Variants in CMTR1 observed in about 807,000 individuals in gnomAD.
The protein encoded by CMTR1 is cap-specific mRNA (nucleoside-2'-O-)-methyltransferase 1.
Under a neutral mutation model 107.0 loss-of-function variants are expected in CMTR1, and 39 were observed. The ratio of observed to expected loss-of-function variants is 0.36; its 90% CI spans 0.28 to 0.48. The LOEUF (loss-of-function observed/expected upper bound fraction) is 0.48, where lower values mean the gene tolerates loss of function less well. Among genes scored for constraint, CMTR1 ranks in the 20% least tolerant of loss-of-function variants. The probability of loss-of-function intolerance (pLI) is 0.99; values close to 1 mark genes in which losing one functional copy is unlikely to be tolerated. For synonymous variants in CMTR1, 366 were observed against 379.5 expected, an observed-to-expected ratio of 0.96 and a Z score of 0.41; for missense variants, 672 against 1,064.9, an observed-to-expected ratio of 0.63 and a Z score of 5.14.
At chr6:37,462,218 G>A in intron 12 of CMTR1, 116 bp downstream of exon 12, 3 of 1,226,924 alleles carry the variant, frequency 2.4e-6, no homozygotes, top group Non-Finnish European at 3.5e-6. Context: ...TGACTTTAAA[G>A]AAGTGATGAG....
intron 4 of CMTR1, among the ~76,000 whole-genome samples, chr6:37,447,291 G>C (rs747960656): frequency 2.6e-5 from 4 of 152,164 alleles, no homozygotes; most frequent in Non-Finnish European, 5.9e-5. Flanking sequence ...GAATCTGCAT[G>C]TGATAAAAGC....
At chr6:37,478,378 T>C in intron 21 of CMTR1, 31 bp from the exon 22 acceptor site, 1 of 1,549,902 alleles carries the variant, frequency 6.5e-7, no homozygotes, top group South Asian at 1.1e-5. Flanking sequence ...GCCTTTTCTC[T>C]CTCATGCACG....
At chr6:37,443,470 T>G (rs1176075064) in intron 2 of CMTR1, among the ~76,000 whole-genome samples, 1 of 152,042 alleles carries the variant, frequency 6.6e-6, no homozygotes, top group Non-Finnish European at 1.5e-5. Context: ...TTCTCCTGCC[T>G]CAGCCTCCCA....
intron 13 of CMTR1, among the ~76,000 whole-genome samples, chr6:37,470,254 C>T (rs573653716): frequency 2.0e-5 from 3 of 151,902 alleles, no homozygotes; most frequent in African/African-American, 7.2e-5. Flanking sequence ...TCACGCCATT[C>T]TCCTGCCTCA....
intron 8 of CMTR1, among the ~76,000 whole-genome samples, chr6:37,457,881 A>G (rs1761328991): frequency 6.6e-6 from 1 of 152,086 alleles, no homozygotes; most frequent in Non-Finnish European, 1.5e-5. Context: ...ACCCTGATTT[A>G]GCTTTGTTGC....
intron 21 of CMTR1, 91 bp downstream of exon 21, chr6:37,477,730 G>C: frequency 4.5e-6 from 2 of 443,214 alleles, no homozygotes; most frequent in Admixed American, 2.7e-5. Context: ...AAGATGGGTC[G>C]GGGGCGGGGG....
intron 8 of CMTR1, among the ~76,000 whole-genome samples, chr6:37,456,986 T>C (rs770838443): frequency 4.0e-5 from 6 of 151,542 alleles, no homozygotes; most frequent in Non-Finnish European, 7.4e-5. Context: ...TGTGGGAGGC[T>C]GAAGTGGGAG....
chr6:37,463,320 C>T (rs1302348148), intron 13 of CMTR1, among the ~76,000 whole-genome samples: 1 of 152,182 alleles, frequency 6.6e-6, no homozygotes, highest in Non-Finnish European at 1.5e-5. Flanking sequence ...AGTAATTTCC[C>T]TTTAATTGCT....
At chr6:37,451,042 T>A (rs553535218) in intron 5 of CMTR1, among the ~76,000 whole-genome samples, 23 of 151,702 alleles carry the variant, frequency 1.5e-4, no homozygotes, top group Admixed American at 5.3e-4. Flanking sequence ...ACAGTACCAC[T>A]CTCCTCACTC....
intron 13 of CMTR1, among the ~76,000 whole-genome samples, chr6:37,464,980 TATATTATGGCCGGGCGCG>T (rs1761476583): frequency 1.3e-5 from 2 of 151,372 alleles, no homozygotes; most frequent in African/African-American, 4.9e-5. Flanking sequence ...ATATAATATG[TATATTATGGCCGGGCGCG>T]GTGGCTCACG....
At chr6:37,431,571 C>T (rs929740153), upstream of CMTR1, among the ~76,000 whole-genome samples, 10 of 152,092 alleles carry the variant, frequency 6.6e-5, no homozygotes, top group Admixed American at 1.3e-4. Flanking sequence ...ACAGCTGAGT[C>T]GGGGAGGCAG....
At chr6:37,439,525 G>A (rs1332674814) in intron 2 of CMTR1, among the ~76,000 whole-genome samples, 1 of 152,168 alleles carries the variant, frequency 6.6e-6, no homozygotes. Flanking sequence ...TATTTGCCCT[G>A]AAACACCATC....
In CMTR1 at chr6:37,458,839, GT is replaced by G; in HGVS notation, c.976+30del. ...GGGACATTGAGGAGGGTACTAGGAG[GT>G]ATGAGGGACAGCCCCTCTATGGGGA... On this transcript the variant is annotated intron_variant, in intron 9 of 23. Coordinates refer to ENST00000373451, the MANE Select transcript of CMTR1 (RefSeq NM_015050.3). This position sits in a 1 kb window ranked among gnomAD's most constrained non-coding sequence, Gnocchi z 4.7. 1.2e-6 allele frequency: 2 copies of G among 1,606,360 alleles called. No homozygotes were observed. Among genetic ancestry groups the G allele is most frequent in the Non-Finnish European group, 1.7e-6 (2 of 1,174,360 alleles).
chr6:37,480,818 G>A lies in CMTR1; in HGVS notation c.*673G>A. On this transcript the variant is annotated 3_prime_UTR_variant, in exon 24 of 24. Transcript: ENST00000373451. The stretch of plus-strand genomic sequence containing the variant: ...ACTCTCATCCCTGATACCACATTGA[G>A]ATCCTGGGAGCCCTCTTTTCGTACT... The A allele has an allele frequency of 8.8e-7, 1 of 1,131,096 alleles. No individual in the cohort carries two copies. The highest frequency in any genetic ancestry group is 1.1e-6 in the Non-Finnish European group (1 of 913,732). 70.1% of individuals were successfully genotyped at this position (1,131,096 alleles called of 1,614,324 possible).
At chr6:37,447,410 T>C (rs911892564) in intron 4 of CMTR1, among the ~76,000 whole-genome samples, 1 of 152,216 alleles carries the variant, frequency 6.6e-6, no homozygotes, top group Non-Finnish European at 1.5e-5. Flanking sequence ...AGACTGGCAA[T>C]GCGGAACAGG....
At chr6:37,462,708 C>T (rs180998166) in intron 12 of CMTR1, 121 bp from the exon 13 acceptor site, 16 of 852,818 alleles carry the variant, frequency 1.9e-5, no homozygotes, top group East Asian at 1.0e-4. Flanking sequence ...GTTCTTTGTG[C>T]GTAGGCCTAA....
At chr6:37,438,887 A>G (rs1415270014) in intron 2 of CMTR1, among the ~76,000 whole-genome samples, 1 of 152,188 alleles carries the variant, frequency 6.6e-6, no homozygotes, top group Non-Finnish European at 1.5e-5. Context: ...TATTCAAATC[A>G]TTCTATTAAA....
intron 8 of CMTR1, among the ~76,000 whole-genome samples, chr6:37,455,285 G>A (rs191103127): frequency 4.0e-4 from 61 of 152,236 alleles, no homozygotes; most frequent in African/African-American, 1.4e-3. Flanking sequence ...GTTTCTCCAC[G>A]TCAGGCTGGT....
At chr6:37,428,450 G>GT (rs1554196776), upstream of CMTR1, among the ~76,000 whole-genome samples, 1 of 151,880 alleles carries the variant, frequency 6.6e-6, no homozygotes, top group Non-Finnish European at 1.5e-5. Context: ...TCAGAGTTTT[G>GT]TTTTTTTGTT....
Sources: allele counts gnomAD v4.1 joint callset (sites outside exome capture counted in the v4.1 genomes callset), GRCh38; gene constraint gnomAD v4.1.1; non-coding constraint Gnocchi (gnomAD v3.1); transcripts MANE v1.5; gene names NCBI Gene and HGNC (gene_info 2026-07-23, HGNC 2026-07-21).